The following COL27A1 variants were observed in gnomAD, a reference collection of about 807,000 sequenced individuals.
COL27A1 encodes collagen alpha-1(XXVII) chain.
In COL27A1, 106 loss-of-function variants were observed where a neutral mutation model predicts 251.3. The observed-to-expected ratio is 0.42, with a 90% CI of 0.36 to 0.50. COL27A1 has a LOEUF of 0.50. Among genes scored for constraint, COL27A1 ranks in the 20% least tolerant of loss-of-function variants. The pLI is 0.00. For synonymous variants in COL27A1, 1,000 were observed against 986.3 expected, an observed-to-expected ratio of 1.01 and a Z score of -0.26; for missense variants, 2,325 against 2,522.8, an observed-to-expected ratio of 0.92 and a Z score of 1.68.
Position 114,169,159 on chromosome 9 carries a change from A to G in COL27A1, c.1604A>G (p.Lys535Arg), listed in dbSNP as rs1308219550. Reference protein sequence around the residue: ...TPGSAPTGSKKPIGSEASKKA... With the variant: ...TPGSAPTGSKRPIGSEASKKA... ...GGCTCAGCTCCCACTGGAAGCAAGA[A>G]GCCCATTGGATCGGAAGCCTCAAAG... Residue 535 changes from lysine (K) to arginine (R), a missense_variant, in exon 3 of 61, where the codon AAG becomes AGG. This residue lies in a region of COL27A1 where 1,183 missense variants were observed against 1,144.1 expected (regional missense o/e 1.03). Transcript: ENST00000356083. The G allele has an allele frequency of 1.2e-6, 2 of 1,614,104 alleles. No individual in the cohort carries two copies. Among genetic ancestry groups the G allele is most frequent in the Middle Eastern group, 1.6e-4 (1 of 6,062 alleles).
intron 38 of COL27A1, 49 bp from the exon 39 acceptor site, chr9:114,282,408 C>A: frequency 6.2e-7 from 1 of 1,608,618 alleles, no homozygotes; most frequent in South Asian, 1.1e-5. Context: ...CTCCCTGGAC[C>A]CTCCGTCCTG....
At chr9:114,159,790 C>T (rs571983836) in intron 1 of COL27A1, among the ~76,000 whole-genome samples, 16 of 152,308 alleles carry the variant, frequency 1.1e-4, no homozygotes, top group Non-Finnish European at 1.9e-4. Context: ...TGAGCCCAGA[C>T]GTTGCCCAGG....
intron 3 of COL27A1, among the ~76,000 whole-genome samples, chr9:114,175,431 G>A (rs1481810269): frequency 6.6e-6 from 1 of 152,260 alleles, no homozygotes; most frequent in African/African-American, 2.4e-5. Flanking sequence ...AGGGGCCAGG[G>A]GGCACCCGTG....
chr9:114,232,671 C>A lies in COL27A1; in HGVS notation c.2565+805C>A, dbSNP rs139825627. ...GTGACACCGCACCTGTCTCTAGGTG[C>A]CTCTGCTTCCTCCTACACCTGAGTC... On this transcript the variant is annotated intron_variant, in intron 16 of 60. Transcript: ENST00000356083. 4.1e-3 allele frequency among the ~76,000 whole-genome samples: 620 copies of A among 152,316 alleles called. 12 individuals are homozygous for A. The Middle Eastern group carries it at 0.044, about 11-fold the overall frequency.
intron 56 of COL27A1, among the ~76,000 whole-genome samples, chr9:114,304,117 T>C (rs1283319033): frequency 6.6e-6 from 1 of 152,246 alleles, no homozygotes; most frequent in Non-Finnish European, 1.5e-5. Context: ...TCTCCAGATA[T>C]TGCCAAATAT....
intron 37 of COL27A1, among the ~76,000 whole-genome samples, chr9:114,278,734 G>C (rs1327143048): frequency 6.6e-6 from 1 of 151,810 alleles, no homozygotes; most frequent in Non-Finnish European, 1.5e-5. Flanking sequence ...CTCATATGCC[G>C]GGATTGGAAG....
chr9:114,199,110 T>C (rs886827491), intron 7 of COL27A1, among the ~76,000 whole-genome samples: 2 of 152,158 alleles, frequency 1.3e-5, no homozygotes, highest in Admixed American at 1.3e-4. Flanking sequence ...CTGCCAGAAC[T>C]CCATGTGCAC....
intron 12 of COL27A1, among the ~76,000 whole-genome samples, chr9:114,213,936 T>G (rs1830536329): frequency 6.6e-6 from 1 of 152,152 alleles, no homozygotes. Flanking sequence ...CAGATGTGGG[T>G]GGAGGGAAAC....
At chr9:114,251,024 C>T (rs1297680658) in intron 25 of COL27A1, among the ~76,000 whole-genome samples, 1 of 152,142 alleles carries the variant, frequency 6.6e-6, no homozygotes, top group Non-Finnish European at 1.5e-5. Flanking sequence ...CTTGCTAAGC[C>T]TCTGTTTTAG....
At chr9:114,210,899 G>A in intron 11 of COL27A1, 83 bp from the exon 12 acceptor site, 1 of 1,413,176 alleles carries the variant, frequency 7.1e-7, no homozygotes, top group Non-Finnish European at 1.0e-6. Context: ...TCCTGCCGTG[G>A]GTGGCTCTGG....
intron 14 of COL27A1, among the ~76,000 whole-genome samples, chr9:114,229,016 G>A (rs1831725424): frequency 6.6e-6 from 1 of 152,096 alleles, no homozygotes; most frequent in Non-Finnish European, 1.5e-5. Flanking sequence ...TAGAGATTGA[G>A]TCTCCCTATG....
At position 114,310,588 on chromosome 9, in the gene COL27A1, C is replaced by T. The variant is rs747347959; in HGVS notation, c.5476C>T (p.Arg1826Trp). ...CTGGCATCAGACACTCTTCACCTTCCGGACCCAAGACCCCCAACAGCTGCC... is the reference window on the plus strand; with the variant it reads ...CTGGCATCAGACACTCTTCACCTTCTGGACCCAAGACCCCCAACAGCTGCC... ...GRWHQTLFTF[R>W]TQDPQQLPII... Residue 1826 changes from arginine (R) to tryptophan (W), a missense_variant, in exon 61 of 61, where the codon CGG becomes TGG. This residue lies in a region of COL27A1 where 327 missense variants were observed against 442.8 expected (regional missense o/e 0.74). Coordinates refer to ENST00000356083, the MANE Select transcript of COL27A1 (RefSeq NM_032888.4). 1.8e-5 allele frequency: 29 copies of T among 1,614,074 alleles called. No individual in the cohort carries two copies. The highest frequency in any genetic ancestry group is 1.0e-4 in the Admixed American group (6 of 60,006).
chr9:114,250,017 A>G (rs1351240573), intron 24 of COL27A1, among the ~76,000 whole-genome samples: 1 of 152,212 alleles, frequency 6.6e-6, no homozygotes, highest in Non-Finnish European at 1.5e-5. Flanking sequence ...GGCCACCTAG[A>G]AGAACCCCCT....
At chr9:114,300,266 C>T in intron 50 of COL27A1, 143 bp downstream of exon 50, 1 of 767,044 alleles carries the variant, frequency 1.3e-6, no homozygotes, top group Non-Finnish European at 2.1e-6. Flanking sequence ...ACCCTCATCC[C>T]CCAGTACTCC....
rs561426355 is a variant in COL27A1 at position 114,296,327 on chromosome 9, G to A, written c.4585-3743G>A. Among the ~76,000 whole-genome samples, 153 of 152,316 alleles carry A rather than the reference G, an allele frequency of 1.0e-3. 2 individuals are homozygous for A. The highest frequency in any genetic ancestry group is 6.5e-4 in the Non-Finnish European group (44 of 68,028). On this transcript the variant is annotated intron_variant, in intron 49 of 60. Coordinates refer to ENST00000356083, the MANE Select transcript of COL27A1 (RefSeq NM_032888.4). ...GTATCTGATTAAGGATTTGTATCCG[G>A]AACCTAAAAAGAACTCGCAAAACTC...
intron 35 of COL27A1, 64 bp downstream of exon 35, chr9:114,269,358 G>A: frequency 8.1e-7 from 1 of 1,229,994 alleles, no homozygotes; most frequent in Non-Finnish European, 1.2e-6. Context: ...CAGGGGAAGA[G>A]ACCGGCTTTT....
intron 21 of COL27A1, among the ~76,000 whole-genome samples, chr9:114,240,862 A>C (rs544277603): frequency 1.3e-5 from 2 of 152,344 alleles, no homozygotes; most frequent in South Asian, 4.1e-4. Context: ...ACTGAGGCCC[A>C]GAGAGGAAAA....
chr9:114,200,743 C>T (rs1489981296), intron 7 of COL27A1, among the ~76,000 whole-genome samples: 1 of 152,198 alleles, frequency 6.6e-6, no homozygotes, highest in African/African-American at 2.4e-5. Flanking sequence ...ATAATAAGAC[C>T]CTCTACTCTA....
intron 16 of COL27A1, among the ~76,000 whole-genome samples, 189 bp downstream of exon 16, chr9:114,232,055 T>A (rs1832005168): frequency 6.6e-6 from 1 of 152,096 alleles, no homozygotes; most frequent in Non-Finnish European, 1.5e-5. Context: ...GGCAGATGGT[T>A]CTGGGAGCCC....
Sources: allele counts gnomAD v4.1 joint callset (sites outside exome capture counted in the v4.1 genomes callset), GRCh38; gene constraint gnomAD v4.1.1; regional missense constraint gnomAD v4.1.1; transcripts MANE v1.5; gene names NCBI Gene and HGNC (gene_info 2026-07-23, HGNC 2026-07-21).